ADGRV1: variants seen among roughly 807,000 people sequenced by gnomAD.
ADGRV1 encodes the protein adhesion G protein-coupled receptor V1, also known as G-protein coupled receptor 98.
A neutral mutation model predicts 596.2 loss-of-function variants in ADGRV1; 359 were observed. That is an observed-to-expected ratio of 0.60 (90% CI 0.55 to 0.66). The LOEUF (loss-of-function observed/expected upper bound fraction) is 0.66. Among genes scored for constraint, ADGRV1 ranks in the 30% least tolerant of loss-of-function variants. The probability of loss-of-function intolerance (pLI) is 0.00; values close to 1 mark genes in which losing one functional copy is unlikely to be tolerated. For synonymous variants in ADGRV1, 2,681 were observed against 2,679.2 expected (o/e 1.00, Z -0.02); for missense variants, 7,274 against 7,575.6 (o/e 0.96, Z 1.48).
chr5:90,895,494 G>A (rs757832335), intron 83 of ADGRV1, among the ~76,000 whole-genome samples: 15 of 152,206 alleles, frequency 9.9e-5, no homozygotes, highest in Admixed American at 5.2e-4. Flanking sequence ...TGGCATGCTT[G>A]AGCAACAAAG....
intron 70 of ADGRV1, among the ~76,000 whole-genome samples, chr5:90,795,576 C>T (rs1178310615): frequency 6.6e-6 from 1 of 152,186 alleles, no homozygotes; most frequent in Non-Finnish European, 1.5e-5. Flanking sequence ...GCAGCTTCAG[C>T]AGACTTAAAC....
chr5:90,866,159 A>G (rs1301653485), intron 83 of ADGRV1, among the ~76,000 whole-genome samples: 1 of 152,108 alleles, frequency 6.6e-6, no homozygotes, highest in Non-Finnish European at 1.5e-5. Context: ...GGAGAAGGAA[A>G]GAATGGAAAT....
intron 33 of ADGRV1, 24 bp downstream of exon 33, chr5:90,694,725 T>G (rs755271657): frequency 6.5e-7 from 1 of 1,529,638 alleles, no homozygotes; most frequent in African/African-American, 1.4e-5. Flanking sequence ...CTAAATGAAT[T>G]TCCGTTGCCC....
chr5:90,621,809 G>A (rs1487291767), intron 4 of ADGRV1, among the ~76,000 whole-genome samples: 2 of 152,116 alleles, frequency 1.3e-5, no homozygotes, highest in East Asian at 3.9e-4. Flanking sequence ...GGATGATTAT[G>A]TTGGTAGTGA....
intron 59 of ADGRV1, among the ~76,000 whole-genome samples, chr5:90,764,968 T>C (rs150382898): frequency 1.3e-5 from 2 of 152,196 alleles, no homozygotes; most frequent in African/African-American, 4.8e-5. Flanking sequence ...CCTTAGAAGC[T>C]TGGCAGTCAG....
Position 90,811,047 on chromosome 5 carries a change from G to T in ADGRV1, c.15787G>T (p.Gly5263Cys), listed in dbSNP as rs372897733. 4 of 1,613,980 alleles carry T rather than the reference G, an allele frequency of 2.5e-6. No individual in the cohort carries two copies. In the East Asian group the frequency reaches 6.7e-5, roughly 27 times the overall value. Reference protein sequence around the residue: ...GNVSITVKTFGERCAQMEPNA... With the variant: ...GNVSITVKTFCERCAQMEPNA... ...TGTCAGCATAACAGTTAAAACTTTC[G>T]GTGAAAGATGTGCTCAGATGGAACC... is the stretch of plus-strand genomic sequence containing the variant. The change falls in exon 74 of 90, where the codon GGT becomes TGT. Residue 5263 changes from glycine to cysteine, a missense_variant. This residue lies in a region of ADGRV1 where 1,874 missense variants were observed against 1,970.2 expected (regional missense o/e 0.95). Coordinates refer to ENST00000405460, the MANE Select transcript of ADGRV1 (RefSeq NM_032119.4).
At chr5:90,590,894 G>T (rs1307057484) in intron 1 of ADGRV1, among the ~76,000 whole-genome samples, 2 of 152,034 alleles carry the variant, frequency 1.3e-5, no homozygotes, top group African/African-American at 4.8e-5. Flanking sequence ...TTTTTGTATT[G>T]TATTTATCCT....
At chr5:90,892,004 C>G (rs1480271516) in intron 83 of ADGRV1, among the ~76,000 whole-genome samples, 2 of 151,766 alleles carry the variant, frequency 1.3e-5, no homozygotes, top group Non-Finnish European at 2.9e-5. Context: ...TAAGTTTCAT[C>G]CTTTAGAATG....
intron 48 of ADGRV1, among the ~76,000 whole-genome samples, chr5:90,727,946 C>A (rs1752021033): frequency 1.3e-5 from 2 of 152,192 alleles, no homozygotes; most frequent in South Asian, 4.1e-4. Context: ...TAATTGTCAT[C>A]TTCAGTACTT....
intron 85 of ADGRV1, among the ~76,000 whole-genome samples, chr5:91,035,462 TA>T (rs1784786907): frequency 6.6e-6 from 1 of 152,190 alleles, no homozygotes; most frequent in Non-Finnish European, 1.5e-5. Context: ...ACTCTTTGCT[TA>T]ACCCCAATTT....
chr5:90,963,939 T>A (rs1029847045), intron 83 of ADGRV1, among the ~76,000 whole-genome samples: 1 of 151,808 alleles, frequency 6.6e-6, no homozygotes, highest in Admixed American at 6.6e-5. Flanking sequence ...TTATTAATTT[T>A]AAATTAGCAT....
chr5:90,870,346 C>T (rs1363953970), intron 83 of ADGRV1, among the ~76,000 whole-genome samples: 1 of 152,048 alleles, frequency 6.6e-6, no homozygotes, highest in Non-Finnish European at 1.5e-5. Flanking sequence ...CAGTTACCTA[C>T]CCTAACTTAC....
At chr5:90,959,926 T>G (rs1777831614) in intron 83 of ADGRV1, among the ~76,000 whole-genome samples, 2 of 151,990 alleles carry the variant, frequency 1.3e-5, no homozygotes, top group African/African-American at 2.4e-5. Context: ...GATCACGAGG[T>G]CAGGAGATCA....
At chr5:91,137,144 CTTTTCTTTTTTT>C in intron 87 of ADGRV1, among the ~76,000 whole-genome samples, 1 of 151,916 alleles carries the variant, frequency 6.6e-6, no homozygotes, top group Middle Eastern at 3.4e-3. Flanking sequence ...ATCCTTTTTT[CTTTTCTTTTTTT>C]TTCACTGTGA....
In ADGRV1 at chr5:90,696,457, C is replaced by T. The variant is rs539757461; in HGVS notation, c.7946-480C>T. Among the ~76,000 whole-genome samples, 23 of 152,208 alleles carry T rather than the reference C, an allele frequency of 1.5e-4. No homozygotes were observed. The South Asian group carries it at 4.8e-3, about 32-fold the overall frequency. On this transcript the variant is annotated intron_variant, in intron 33 of 89. Transcript: ENST00000405460. ...AGAATTTGACATCCCTTTTTAGTTC[C>T]TCATTTTGACCACGATTCCCTAAGT...
intron 86 of ADGRV1, among the ~76,000 whole-genome samples, chr5:91,092,828 TC>T (rs2126589834): frequency 6.6e-6 from 1 of 152,326 alleles, no homozygotes; most frequent in East Asian, 1.9e-4. Flanking sequence ...TTGCAGGGTA[TC>T]TATAGCCATG....
At chr5:91,051,747 C>T (rs568616844) in intron 85 of ADGRV1, among the ~76,000 whole-genome samples, 18 of 151,878 alleles carry the variant, frequency 1.2e-4, no homozygotes, top group Admixed American at 7.9e-4. Flanking sequence ...TGGGGTTTCA[C>T]GACGTTAGCC....
intron 77 of ADGRV1, among the ~76,000 whole-genome samples, chr5:90,833,780 T>G (rs1461193715): frequency 6.6e-6 from 1 of 152,196 alleles, no homozygotes; most frequent in African/African-American, 2.4e-5. Context: ...GTTTATCAAT[T>G]GTCATTTTTT....
chr5:90,841,043 C>A, intron 78 of ADGRV1, 58 bp downstream of exon 78: 2 of 1,156,994 alleles, frequency 1.7e-6, no homozygotes, highest in East Asian at 2.5e-5. Context: ...TTTAAAAACC[C>A]AAGTAAAACC....
Sources: gnomAD v4.1 joint callset for allele counts (sites outside exome capture counted in the v4.1 genomes callset) on GRCh38, gnomAD v4.1.1 for gene constraint, gnomAD v4.1.1 regional missense constraint, MANE v1.5 for transcripts, NCBI Gene and HGNC (gene_info 2026-07-23, HGNC 2026-07-21) for gene names.